GNB1: variants seen among roughly 807,000 people sequenced by gnomAD.
The protein encoded by GNB1 is guanine nucleotide-binding protein G(I)/G(S)/G(T) subunit beta-1.
Under a neutral mutation model 42.9 loss-of-function variants are expected in GNB1, and 2 were observed. The ratio of observed to expected loss-of-function variants is 0.05; its 90% CI spans 0.02 to 0.15. The LOEUF (loss-of-function observed/expected upper bound fraction) is 0.15, where lower values mean the gene tolerates loss of function less well. GNB1 is among the 10% of genes least tolerant of loss of function. GNB1 has a pLI of 1.00. For synonymous variants in GNB1, 183 were observed against 174.7 expected, an observed-to-expected ratio of 1.05 and a Z score of -0.38; for missense variants, 193 against 462.2, an observed-to-expected ratio of 0.42 and a Z score of 5.34.
chr1:1,799,510 G>T (rs1225238005), intron 7 of GNB1, among the ~76,000 whole-genome samples: 2 of 152,196 alleles, frequency 1.3e-5, no homozygotes, highest in African/African-American at 4.8e-5. Flanking sequence ...TCCAAAAAGG[G>T]TGCTGCGTCA....
chr1:1,862,387 C>T (rs1648680738), intron 1 of GNB1, among the ~76,000 whole-genome samples: 1 of 152,102 alleles, frequency 6.6e-6, no homozygotes, highest in Non-Finnish European at 1.5e-5. Flanking sequence ...GAGAAGTCCA[C>T]CCATTAACTT....
chr1:1,823,569 T>C (rs1472981851), intron 3 of GNB1, among the ~76,000 whole-genome samples: 1 of 152,172 alleles, frequency 6.6e-6, no homozygotes, highest in Non-Finnish European at 1.5e-5. Context: ...GTTAAACAAG[T>C]CTGATCAGAG....
intron 2 of GNB1, among the ~76,000 whole-genome samples, chr1:1,834,875 A>T (rs1275240486): frequency 1.3e-5 from 2 of 151,914 alleles, no homozygotes; most frequent in Non-Finnish European, 2.9e-5. Context: ...TCACCGTGTT[A>T]GCCAGGATGG....
At chr1:1,853,741 T>A (rs1047561739) in intron 1 of GNB1, among the ~76,000 whole-genome samples, 7 of 152,214 alleles carry the variant, frequency 4.6e-5, no homozygotes, top group Non-Finnish European at 1.0e-4. Flanking sequence ...CAGTGCTCTA[T>A]AAACCTCAGC....
intron 1 of GNB1, among the ~76,000 whole-genome samples, chr1:1,883,329 G>A (rs1408253258): frequency 6.6e-6 from 1 of 151,002 alleles, no homozygotes; most frequent in African/African-American, 2.4e-5. Flanking sequence ...GAAAAGATAA[G>A]GATGTGAGAG....
intron 1 of GNB1, among the ~76,000 whole-genome samples, chr1:1,874,948 G>A (rs898243669): frequency 1.3e-5 from 2 of 152,144 alleles, no homozygotes; most frequent in African/African-American, 4.8e-5. Context: ...GGATGAAACT[G>A]TTCCACCTCA....
chr1:1,793,544 C>T (rs1401219267), intron 7 of GNB1: 3 of 381,566 alleles, frequency 7.9e-6, no homozygotes, highest in Non-Finnish European at 1.5e-5. Context: ...CCCACAGCTC[C>T]GTGATGGGGG....
At chr1:1,805,145 G>C (rs1043388724) in intron 6 of GNB1, among the ~76,000 whole-genome samples, 2 of 143,600 alleles carry the variant, frequency 1.4e-5, no homozygotes, top group African/African-American at 5.3e-5. Context: ...CTGGGCAACA[G>C]AGCGAGACTC....
chr1:1,872,491 C>T (rs191828601), intron 1 of GNB1, among the ~76,000 whole-genome samples: 110 of 152,320 alleles, frequency 7.2e-4, no homozygotes, highest in African/African-American at 2.5e-3. Context: ...CAAGGCCTGG[C>T]TTCCACCCCT....
At chr1:1,803,976 T>C (rs1234850795) in intron 7 of GNB1, among the ~76,000 whole-genome samples, 130 of 83,026 alleles carry the variant, frequency 1.6e-3, no homozygotes, top group Middle Eastern at 0.01. Context: ...AGTGAGACTC[T>C]GTCTTTAAAA....
intron 1 of GNB1, among the ~76,000 whole-genome samples, chr1:1,869,049 G>A (rs1345639849): frequency 6.6e-6 from 1 of 151,326 alleles, no homozygotes; most frequent in Non-Finnish European, 1.5e-5. Flanking sequence ...TAGCCGGTGT[G>A]GTGGCGGGCA....
chr1:1,885,697 C>T (rs1224748686), intron 1 of GNB1, among the ~76,000 whole-genome samples: 1 of 150,720 alleles, frequency 6.6e-6, no homozygotes, highest in Non-Finnish European at 1.5e-5. Flanking sequence ...GCTGGGACTA[C>T]AGGCGCCCGC....
At chr1:1,889,382 A>C (rs1234427940) in intron 1 of GNB1, among the ~76,000 whole-genome samples, 2 of 152,248 alleles carry the variant, frequency 1.3e-5, no homozygotes, top group Non-Finnish European at 2.9e-5. Flanking sequence ...ATAGGTTACC[A>C]TTTCTACACT....
At chr1:1,826,539 T>C (rs1647000696) in intron 2 of GNB1, among the ~76,000 whole-genome samples, 1 of 152,132 alleles carries the variant, frequency 6.6e-6, no homozygotes, top group Non-Finnish European at 1.5e-5. Context: ...CCACCTCATC[T>C]CAGTAACCAT....
intron 6 of GNB1, 151 bp from the exon 7 acceptor site, chr1:1,804,732 C>T (rs761312341): frequency 1.8e-5 from 11 of 613,050 alleles, no homozygotes; most frequent in African/African-American, 5.6e-5. Flanking sequence ...CATATGTGGC[C>T]ACTCAGGTGA....
rs368378415 is a variant in GNB1, at chr1:1,787,286, T to A, written c.*9+36A>T. 5 of 1,021,938 alleles carry A rather than the reference T, an allele frequency of 4.9e-6. No individual in the cohort carries two copies. The African/African-American group carries it at 7.9e-5, about 16-fold the overall frequency. The allele number at this position is 1,021,938 out of a possible 1,614,324, so 63.3% of individuals were successfully genotyped here. On this transcript the variant is annotated intron_variant, in intron 11 of 11. Transcript: ENST00000378609. The surrounding 1 kb of genome is among the most constrained non-coding windows in gnomAD (Gnocchi z 4.4). ...ATGTTCTATGAGAAACACGCACAGT[T>A]CTCCTCAGAGAAGGGCATTTGGGCT... is the stretch of plus-strand genomic sequence containing the variant.
At chr1:1,868,183 G>GA (rs1649047752) in intron 1 of GNB1, among the ~76,000 whole-genome samples, 1 of 150,252 alleles carries the variant, frequency 6.7e-6, no homozygotes, top group Non-Finnish European at 1.5e-5. Context: ...TTGTTTTTTT[G>GA]TTTTTTTTTG....
At chr1:1,843,348 T>C (rs1454483051) in intron 1 of GNB1, among the ~76,000 whole-genome samples, 1 of 152,056 alleles carries the variant, frequency 6.6e-6, no homozygotes, top group Non-Finnish European at 1.5e-5. Flanking sequence ...GCCTCCTGAG[T>C]AGCTGGGACC....
intron 1 of GNB1, among the ~76,000 whole-genome samples, chr1:1,872,053 G>C (rs1649278915): frequency 6.6e-6 from 1 of 150,638 alleles, no homozygotes; most frequent in South Asian, 2.1e-4. Flanking sequence ...CCAGACTCGA[G>C]TACAGTTGTG....
Sources: gnomAD v4.1 joint callset for allele counts (sites outside exome capture counted in the v4.1 genomes callset) on GRCh38, gnomAD v4.1.1 for gene constraint, Gnocchi (gnomAD v3.1) non-coding constraint, MANE v1.5 for transcripts, NCBI Gene and HGNC (gene_info 2026-07-23, HGNC 2026-07-21) for gene names.